GPSM2: variants seen among roughly 807,000 people sequenced by gnomAD.
The protein encoded by GPSM2 is G protein signaling modulator 2.
Under a neutral mutation model 78.4 loss-of-function variants are expected in GPSM2, and 58 were observed. That is an observed-to-expected ratio of 0.74 (90% CI 0.60 to 0.92). GPSM2 has a LOEUF of 0.92. Among genes scored for constraint, GPSM2 ranks in the 40% least tolerant of loss-of-function variants. The pLI, the probability that GPSM2 is intolerant of heterozygous loss-of-function variation, is 0.00. For synonymous variants in GPSM2, 224 were observed against 280.2 expected, an observed-to-expected ratio of 0.80 and a Z score of 2.00; for missense variants, 700 against 815.5, an observed-to-expected ratio of 0.86 and a Z score of 1.73.
chr1:108,885,274 G>A lies in GPSM2; in HGVS notation c.-248-1G>A, dbSNP rs1051372133. On this transcript the variant is annotated splice_acceptor_variant, in intron 1 of 14. Transcript: ENST00000264126. LOFTEE classifies it low-confidence loss of function (5UTR_SPLICE). ...CAAAGCATCTTGTATTCCTTTTGCAGAAATGTTGCTGAAGTGCTGCTGAAA... is the reference window on the plus strand; with the variant it reads ...CAAAGCATCTTGTATTCCTTTTGCAAAAATGTTGCTGAAGTGCTGCTGAAA... 8 of 391,102 alleles carry A rather than the reference G, an allele frequency of 2.0e-5. No individual in the cohort carries two copies. Among genetic ancestry groups the A allele is most frequent in the Non-Finnish European group, 3.7e-5 (8 of 217,528 alleles). The allele number at this position is 391,102 out of a possible 1,614,324, so 24.2% of individuals were successfully genotyped here.
chr1:108,884,868 A>G (rs1647406429), intron 1 of GPSM2, among the ~76,000 whole-genome samples: 3 of 152,230 alleles, frequency 2.0e-5, no homozygotes, highest in Non-Finnish European at 4.4e-5. Context: ...TATCAGTGTG[A>G]TATCTTCTTT....
chr1:108,893,506 A>G (rs12726126), intron 2 of GPSM2, among the ~76,000 whole-genome samples: 13,977 of 152,148 alleles, frequency 0.092, 695 homozygotes, highest in Non-Finnish European at 0.1. Flanking sequence ...ATATCCTTTC[A>G]TATGTATCTT....
Position 108,929,888 on chromosome 1 carries a change from A to G in GPSM2, c.2003A>G (p.Asn668Ser), listed in dbSNP as rs1370271049. Reference sequence around the variant, plus strand: ...TTTGGGCTAAAGGACTTTTTGCAAAATAATGCTTTGTTGGAGTTTAAAAAT... The same window carrying G: ...TTTGGGCTAAAGGACTTTTTGCAAAGTAATGCTTTGTTGGAGTTTAAAAAT... The part of the protein sequence containing the change: ...TDFGLKDFLQ[N>S]NALLEFKNSG... The change falls in exon 15 of 15, where the codon AAT (asparagine) becomes AGT (serine). Residue 668 changes from asparagine to serine, a missense_variant. By Grantham distance (46) the Asn-to-Ser change is conservative. Transcript: ENST00000264126. 6.2e-7 allele frequency: 1 copy of G among 1,613,908 alleles called. No individual in the cohort carries two copies. Among genetic ancestry groups the G allele is most frequent in the Non-Finnish European group, 8.5e-7 (1 of 1,179,760 alleles).
chr1:108,881,867 T>C (rs919827065), intron 1 of GPSM2, among the ~76,000 whole-genome samples: 19 of 152,376 alleles, frequency 1.2e-4, no homozygotes, highest in Middle Eastern at 3.4e-3. Flanking sequence ...AAATGCTACA[T>C]GTTTACATCT....
intron 12 of GPSM2, among the ~76,000 whole-genome samples, chr1:108,920,756 G>T (rs532553244): frequency 9.2e-5 from 14 of 152,224 alleles, no homozygotes; most frequent in Non-Finnish European, 1.6e-4. Context: ...TGTAGGTCTA[G>T]AGCAGGACTG....
intron 13 of GPSM2, 21 bp from the exon 14 acceptor site, chr1:108,923,979 G>A (rs1407579675): frequency 6.7e-7 from 1 of 1,499,474 alleles, no homozygotes; most frequent in Admixed American, 1.7e-5. Context: ...TTAATCTTTG[G>A]CTTTCTTCTT....
In GPSM2 at chr1:108,901,821, G is replaced by T. The variant is rs774860139; in HGVS notation, c.829G>T (p.Asp277Tyr). 1.2e-6 allele frequency: 2 copies of T among 1,612,100 alleles called. No individual in the cohort carries two copies. The highest frequency in any genetic ancestry group is 3.3e-5 in the Admixed American group (2 of 59,996). The change falls in exon 8 of 15, where the codon GAC becomes TAC. Residue 277 changes from aspartate (D) to tyrosine (Y), a missense_variant. Asp to Tyr is a radical substitution (Grantham distance 160). Coordinates refer to ENST00000264126, the MANE Select transcript of GPSM2 (RefSeq NM_013296.5). ...ACTACTGTTGGCCCGACAGCTTAAA[G>T]ACCGAGCTGTAGAAGCACAGTCTTG... ...KTLLLARQLK[D>Y]RAVEAQSCYS...
intron 12 of GPSM2, 97 bp downstream of exon 12, chr1:108,918,886 TTTAATA>T: frequency 1.3e-6 from 1 of 776,482 alleles, no homozygotes; most frequent in Non-Finnish European, 2.2e-6. Flanking sequence ...AAATTAGACA[TTTAATA>T]TAAAATATCT....
intron 14 of GPSM2, chr1:108,926,815 G>C (rs1319522735): frequency 1.3e-5 from 2 of 152,154 alleles, no homozygotes; most frequent in African/African-American, 4.8e-5. Flanking sequence ...TCAGGAACGA[G>C]ATCAGAATGC....
intron 11 of GPSM2, among the ~76,000 whole-genome samples, chr1:108,917,627 T>C (rs1225347558): frequency 0.031 from 431 of 14,018 alleles, 16 homozygotes; most frequent in African/African-American, 0.14. Context: ...TATATATATA[T>C]ATATATATAT....
intron 13 of GPSM2, among the ~76,000 whole-genome samples, chr1:108,923,183 C>T (rs1222431887): frequency 6.6e-6 from 1 of 152,016 alleles, no homozygotes; most frequent in African/African-American, 2.4e-5. Context: ...CAGGCACACA[C>T]CACCATGCCT....
chr1:108,928,398 T>TGGA (rs143939596), intron 14 of GPSM2, among the ~76,000 whole-genome samples: 1,773 of 152,278 alleles, frequency 0.012, 42 homozygotes, highest in African/African-American at 0.041. Context: ...TTGGGTTAAT[T>TGGA]GGAGGACATT....
chr1:108,919,100 C>G (rs973912987), intron 12 of GPSM2, among the ~76,000 whole-genome samples: 1 of 151,904 alleles, frequency 6.6e-6, no homozygotes, highest in African/African-American at 2.4e-5. Context: ...CTCTGCCTCC[C>G]GGGTTCAAGC....
At position 108,885,556 on chromosome 1, in the gene GPSM2, C is replaced by A; in HGVS notation, c.34C>A (p.His12Asn). The A allele has an allele frequency of 6.3e-7, 1 of 1,580,606 alleles. No individual in the cohort carries two copies. The highest frequency in any genetic ancestry group is 8.7e-7 in the Non-Finnish European group (1 of 1,149,830). Residue 12 changes from histidine to asparagine, a missense_variant, in exon 2 of 15, where the codon CAT becomes AAT. Transcript: ENST00000264126. ...AAATTTGATAAGCATGAGAGAAGAC[C>A]ATTCTTTTCATGTTCGTTACAGGTA... ...EENLISMRED[H>N]SFHVRYRMEA... is the part of the protein sequence containing the mutation.
rs1651670688 is a variant in GPSM2, at chr1:108,930,115, G to A, written c.*175G>A. ...CATTAATACTTCTCTGGACATGCGC[G>A]TTTGAGGGTGGAGGGGTCCTGTAAG... On this transcript the variant is annotated 3_prime_UTR_variant, in exon 15 of 15. Coordinates refer to ENST00000264126, the MANE Select transcript of GPSM2 (RefSeq NM_013296.5). 3 of 632,892 alleles carry A rather than the reference G, an allele frequency of 4.7e-6. No individual in the cohort carries two copies. Among genetic ancestry groups the A allele is most frequent in the East Asian group, 2.8e-5 (1 of 35,966 alleles). 39.2% of individuals were successfully genotyped at this position (632,892 alleles called of 1,614,324 possible).
chr1:108,910,590 C>T (rs1030727443), intron 10 of GPSM2, among the ~76,000 whole-genome samples: 30 of 152,136 alleles, frequency 2.0e-4, no homozygotes, highest in African/African-American at 6.5e-4. Context: ...GGGAGCCGGG[C>T]GCAGTGGCTC....
rs759693658 is a variant in GPSM2 at position 108,898,794 on chromosome 1, A to T, written c.681+29A>T. Reference sequence around the variant, plus strand: ...CAGTGGAAAGCCTTGGAGCCAGATCATTTCCTCCATCAAAGTTCTGAACAG... The same window carrying T: ...CAGTGGAAAGCCTTGGAGCCAGATCTTTTCCTCCATCAAAGTTCTGAACAG... On this transcript the variant is annotated intron_variant, in intron 6 of 14. Transcript: ENST00000264126. The T allele has an allele frequency of 3.7e-6, 6 of 1,612,772 alleles. No individual in the cohort carries two copies. In the East Asian group the frequency reaches 1.3e-4, roughly 36 times the overall value.
chr1:108,925,257 T>C (rs1285251897), intron 14 of GPSM2, among the ~76,000 whole-genome samples: 14 of 152,230 alleles, frequency 9.2e-5, no homozygotes, highest in African/African-American at 2.4e-5. Context: ...GGTAAACTGT[T>C]AGCCAGTTCA....
intron 10 of GPSM2, among the ~76,000 whole-genome samples, chr1:108,905,161 G>A (rs567040207): frequency 3.3e-5 from 5 of 152,264 alleles, no homozygotes; most frequent in African/African-American, 4.8e-5. Context: ...TTGTGACTGC[G>A]TGCTTTGTGG....
Sources: allele counts gnomAD v4.1 joint callset (sites outside exome capture counted in the v4.1 genomes callset), GRCh38; gene constraint gnomAD v4.1.1; transcripts MANE v1.5; gene names NCBI Gene and HGNC (gene_info 2026-07-23, HGNC 2026-07-21).